EIF3E: variants seen among roughly 807,000 people sequenced by gnomAD.
EIF3E encodes eIF-3 p48.
In EIF3E, 25 loss-of-function variants were observed where a neutral mutation model predicts 59.3. The ratio of observed to expected loss-of-function variants is 0.42; its 90% CI spans 0.31 to 0.59. EIF3E has a LOEUF of 0.59. Among genes scored for constraint, EIF3E ranks in the 20% least tolerant of loss-of-function variants. The pLI, the probability that EIF3E is intolerant of heterozygous loss-of-function variation, is 0.15. For synonymous variants in EIF3E, 176 were observed against 170.2 expected, an observed-to-expected ratio of 1.03 and a Z score of -0.26; for missense variants, 317 against 534.3, an observed-to-expected ratio of 0.59 and a Z score of 4.01.
chr8:108,234,940 C>A (rs1287855791), intron 5 of EIF3E, 58 bp downstream of exon 5: 20 of 1,057,824 alleles, frequency 1.9e-5, no homozygotes, highest in African/African-American at 2.1e-5. Context: ...TTTGAAGAAC[C>A]AAGGGAATCC....
At chr8:108,247,604 GC>G (rs898506714) in intron 1 of EIF3E, among the ~76,000 whole-genome samples, 1 of 152,162 alleles carries the variant, frequency 6.6e-6, no homozygotes, top group Non-Finnish European at 1.5e-5. Context: ...ACACCTGGAC[GC>G]TGGTTTTTGG....
intron 9 of EIF3E, among the ~76,000 whole-genome samples, chr8:108,215,659 G>A (rs143576571): frequency 6.6e-6 from 1 of 152,004 alleles, no homozygotes; most frequent in Non-Finnish European, 1.5e-5. Context: ...ATGGATATTT[G>A]CATGATCATT....
At chr8:108,243,716 G>A (rs987092737) in intron 1 of EIF3E, among the ~76,000 whole-genome samples, 37 of 148,138 alleles carry the variant, frequency 2.5e-4, no homozygotes, top group Non-Finnish European at 4.6e-4. Flanking sequence ...AAATGTATTC[G>A]CTATTCATTT....
intron 1 of EIF3E, among the ~76,000 whole-genome samples, chr8:108,244,979 G>A (rs1409091202): frequency 6.6e-6 from 1 of 151,854 alleles, no homozygotes; most frequent in African/African-American, 2.4e-5. Flanking sequence ...TCCTCGCCCT[G>A]AGAATGACCC....
Position 108,244,828 on chromosome 8 carries a change from A to G in EIF3E, c.91-2915T>C, listed in dbSNP as rs370790840. 2.3e-4 allele frequency among the ~76,000 whole-genome samples: 35 copies of G among 152,134 alleles called. No individual in the cohort carries two copies. The East Asian group carries it at 4.1e-3, about 18-fold the overall frequency. ...CTGGAAAAAAAGTCACCTATTCTCT[A>G]GGTTCTGGCTAAGGATGACTACAAA... On this transcript the variant is annotated intron_variant, in intron 1 of 12. Transcript: ENST00000220849.
intron 5 of EIF3E, chr8:108,233,744 CA>C: frequency 3.7e-6 from 1 of 271,014 alleles, no homozygotes; most frequent in Non-Finnish European, 7.4e-6. Context: ...ATTCAGGAGG[CA>C]AGAGAATCTC....
chr8:108,214,828 C>A (rs984410787), intron 9 of EIF3E, 112 bp from the exon 10 acceptor site: 1 of 873,770 alleles, frequency 1.1e-6, no homozygotes. Context: ...GAGTTTTATA[C>A]CACAGCACTT....
intron 10 of EIF3E, among the ~76,000 whole-genome samples, chr8:108,209,356 A>G (rs1197503678): frequency 1.3e-5 from 2 of 152,120 alleles, no homozygotes; most frequent in Non-Finnish European, 2.9e-5. Flanking sequence ...GAGAGTTATC[A>G]GGATTCACTG....
intron 10 of EIF3E, among the ~76,000 whole-genome samples, chr8:108,204,645 TA>T (rs974944498): frequency 1.3e-5 from 2 of 151,216 alleles, no homozygotes; most frequent in African/African-American, 2.4e-5. Context: ...CAGGAAAACA[TA>T]AATAAAACTG....
At chr8:108,246,284 T>TGGG (rs59396353) in intron 1 of EIF3E, among the ~76,000 whole-genome samples, 4 of 126,540 alleles carry the variant, frequency 3.2e-5, no homozygotes, top group Admixed American at 1.7e-4. Context: ...TAAGGGGGTG[T>TGGG]GGGGGGGGGG....
At chr8:108,215,923 T>C (rs1406646697) in intron 9 of EIF3E, among the ~76,000 whole-genome samples, 1 of 152,220 alleles carries the variant, frequency 6.6e-6, no homozygotes, top group Admixed American at 6.5e-5. Flanking sequence ...ATAAAATTCG[T>C]AATTACAATG....
At chr8:108,202,181 T>C (rs901396491) in intron 12 of EIF3E, among the ~76,000 whole-genome samples, 3 of 152,014 alleles carry the variant, frequency 2.0e-5, no homozygotes, top group Non-Finnish European at 4.4e-5. Flanking sequence ...GAACAATAAA[T>C]GATACAAATT....
intron 1 of EIF3E, among the ~76,000 whole-genome samples, chr8:108,243,728 G>C (rs1685887521): frequency 7.0e-6 from 1 of 142,260 alleles, no homozygotes; most frequent in South Asian, 2.4e-4. Context: ...TATTCATTTT[G>C]AAAAAAATAT....
intron 4 of EIF3E, 71 bp downstream of exon 4, chr8:108,236,090 A>AT: frequency 8.0e-7 from 1 of 1,257,750 alleles, no homozygotes; most frequent in East Asian, 2.5e-5. Context: ...CCATAAGCTC[A>AT]TCTGTACAAA....
At chr8:108,222,221 A>G (rs1252573145) in intron 7 of EIF3E, among the ~76,000 whole-genome samples, 2 of 152,110 alleles carry the variant, frequency 1.3e-5, no homozygotes, top group African/African-American at 2.4e-5. Context: ...TTCTAAAAAA[A>G]TGTTTTAGAG....
chr8:108,248,471 A>G (rs1815992024), intron 1 of EIF3E, 142 bp downstream of exon 1: 2 of 741,348 alleles, frequency 2.7e-6, no homozygotes, highest in South Asian at 1.8e-5. Context: ...CTAAACTACC[A>G]GAAGATCCTT....
intron 11 of EIF3E, 99 bp from the exon 12 acceptor site, chr8:108,203,216 C>A: frequency 1.1e-6 from 1 of 915,346 alleles, no homozygotes; most frequent in Non-Finnish European, 1.5e-6. Context: ...TTTTAATGCA[C>A]TGTATAGAGA....
At chr8:108,216,264 A>G (rs1303079322) in intron 9 of EIF3E, 148 bp downstream of exon 9, 2 of 599,598 alleles carry the variant, frequency 3.3e-6, no homozygotes, top group South Asian at 2.4e-5. Context: ...AGGTTAATAA[A>G]CATGAGCCAT....
intron 1 of EIF3E, among the ~76,000 whole-genome samples, chr8:108,245,662 T>C (rs1448367650): frequency 6.6e-6 from 1 of 152,182 alleles, no homozygotes; most frequent in Non-Finnish European, 1.5e-5. Context: ...TCATGAAAGG[T>C]CCAATTCAGA....
Sources: allele counts gnomAD v4.1 joint callset (sites outside exome capture counted in the v4.1 genomes callset), GRCh38; gene constraint gnomAD v4.1.1; transcripts MANE v1.5; gene names NCBI Gene and HGNC (gene_info 2026-07-23, HGNC 2026-07-21).